RABGEF1: variants seen among roughly 807,000 people sequenced by gnomAD.
RABGEF1 encodes RAB guanine nucleotide exchange factor 1.
In RABGEF1, 26 loss-of-function variants were observed where a neutral mutation model predicts 57.3. The observed-to-expected ratio is 0.45, with a 90% CI of 0.33 to 0.63. The LOEUF (loss-of-function observed/expected upper bound fraction) is 0.63. Among genes scored for constraint, RABGEF1 ranks in the 20% least tolerant of loss-of-function variants. RABGEF1 has a pLI of 0.02. For missense variants in RABGEF1, 464 were observed against 607.6 expected (o/e 0.76, Z 2.48); for synonymous variants, 185 against 210.7 (o/e 0.88, Z 1.06).
At chr7:66,731,687 A>G (rs1797335213) in intron 2 of RABGEF1, among the ~76,000 whole-genome samples, 1 of 152,210 alleles carries the variant, frequency 6.6e-6, no homozygotes, top group African/African-American at 2.4e-5. Context: ...ACTGCACTCC[A>G]GCCTGGGTGA....
chr7:66,766,498 T>G (rs1805750666), intron 1 of RABGEF1, among the ~76,000 whole-genome samples: 1 of 152,162 alleles, frequency 6.6e-6, no homozygotes, highest in Non-Finnish European at 1.5e-5. Flanking sequence ...GCTTTCTACC[T>G]CAGCCTTATC....
rs577290236 is a variant in RABGEF1 at position 66,755,088 on chromosome 7, A to T, written c.-18+14296A>T. Among the ~76,000 whole-genome samples, 30 of 152,282 alleles carry T rather than the reference A, an allele frequency of 2.0e-4. No individual in the cohort carries two copies. The East Asian group carries it at 5.6e-3, about 28-fold the overall frequency. On this transcript the variant is annotated intron_variant, in intron 1 of 8. Transcript: ENST00000284957. ...GGCAGGCGGATCACGAGGTCAGGAT[A>T]TTGAGACCATCCTGGCTAACACAGT...
At chr7:66,725,698 G>C (rs1796510099) in intron 2 of RABGEF1, among the ~76,000 whole-genome samples, 1 of 152,174 alleles carries the variant, frequency 6.6e-6, no homozygotes, top group Admixed American at 6.5e-5. Flanking sequence ...CCACACTGTG[G>C]GTGGAACTCC....
At chr7:66,682,707 G>C (rs1273102738) in intron 1 of RABGEF1, among the ~76,000 whole-genome samples, 1 of 22 alleles carries the variant, frequency 0.045, no homozygotes, top group African/African-American at 0.12. Flanking sequence ...CCCCGGCCGC[G>C]GCAGGGCGCC....
intron 4 of RABGEF1, among the ~76,000 whole-genome samples, chr7:66,791,781 T>A (rs1342685939): frequency 6.6e-6 from 1 of 152,178 alleles, no homozygotes; most frequent in Admixed American, 6.5e-5. Flanking sequence ...AGAGTAAAAA[T>A]TTATTTTAGA....
chr7:66,669,150 C>G, the RABGEF1 span: 2 of 152,756 alleles, frequency 1.3e-5, no homozygotes, highest in East Asian at 1.9e-4. Context: ...CTGTGAAATG[C>G]GGTGGGTGCA....
intron 3 of RABGEF1, among the ~76,000 whole-genome samples, chr7:66,777,320 A>G (rs1292632298): frequency 6.6e-6 from 1 of 152,146 alleles, no homozygotes; most frequent in East Asian, 1.9e-4. Flanking sequence ...AAGGTTAACT[A>G]ATTTACCCAA....
chr7:66,674,678 A>T, the RABGEF1 span, among the ~76,000 whole-genome samples: 2 of 152,290 alleles, frequency 1.3e-5, no homozygotes, highest in East Asian at 3.9e-4. Context: ...AAACATGTTG[A>T]AGGAAAGAAG....
chr7:66,796,664 C>T, intron 5 of RABGEF1: 1 of 262,744 alleles, frequency 3.8e-6, no homozygotes, highest in Non-Finnish European at 7.6e-6. Context: ...GTGACCTCGG[C>T]TCACTGCAAC....
intron 3 of RABGEF1, among the ~76,000 whole-genome samples, chr7:66,775,790 CTG>C (rs1004812052): frequency 6.6e-6 from 1 of 152,086 alleles, no homozygotes; most frequent in African/African-American, 2.4e-5. Flanking sequence ...TGATAGTCAT[CTG>C]AGAGAGAGAT....
chr7:66,733,208 C>T (rs1179091365), intron 2 of RABGEF1, among the ~76,000 whole-genome samples: 1 of 152,172 alleles, frequency 6.6e-6, no homozygotes, highest in African/African-American at 2.4e-5. Context: ...ATAGCCTTCT[C>T]TCAAGATTTG....
At chr7:66,692,962 C>T (rs1031212388) in intron 1 of RABGEF1, among the ~76,000 whole-genome samples, 3 of 152,104 alleles carry the variant, frequency 2.0e-5, no homozygotes, top group African/African-American at 7.2e-5. Flanking sequence ...GCTCAAGGCC[C>T]CCCATGCCGG....
the RABGEF1 span, among the ~76,000 whole-genome samples, chr7:66,663,865 G>A: frequency 3.9e-5 from 6 of 152,230 alleles, no homozygotes; most frequent in South Asian, 4.1e-4. Flanking sequence ...CCTAAGGGCA[G>A]GACTTCAAAA....
At position 66,727,884 on chromosome 7, in the gene RABGEF1, C is replaced by T. The variant is rs559435648; in HGVS notation, c.-814-12112C>T. ...TTCCCAGCGGCTGCCTTGGAACACA[C>T]GCGTGGCTGCCTCTGGAGCCTTTTG... On this transcript the variant is annotated intron_variant and NMD_transcript_variant, in intron 2 of 9. Transcript: ENST00000607882. 2.0e-3 allele frequency among the ~76,000 whole-genome samples: 302 copies of T among 152,296 alleles called. 1 individual carries two copies. Among genetic ancestry groups the T allele is most frequent in the African/African-American group, 4.0e-3 (167 of 41,560 alleles).
At chr7:66,752,138 C>T (rs1361072354) in intron 1 of RABGEF1, among the ~76,000 whole-genome samples, 9 of 152,026 alleles carry the variant, frequency 5.9e-5, no homozygotes, top group South Asian at 2.1e-4. Context: ...TTTGAGGCTA[C>T]AGTGAGCCAT....
upstream of RABGEF1, among the ~76,000 whole-genome samples, chr7:66,681,757 A>T (rs1282167496): frequency 6.6e-6 from 1 of 152,122 alleles, no homozygotes; most frequent in African/African-American, 2.4e-5. Context: ...ACTGAAACAG[A>T]GTTTCTGAAG....
chr7:66,724,282 T>C (rs1279774805), intron 2 of RABGEF1, among the ~76,000 whole-genome samples: 1 of 152,152 alleles, frequency 6.6e-6, no homozygotes, highest in East Asian at 1.9e-4. Context: ...GCTTTTAAGA[T>C]TTTTCTCTTT....
chr7:66,725,066 C>T (rs1796446418), intron 2 of RABGEF1, among the ~76,000 whole-genome samples: 1 of 151,988 alleles, frequency 6.6e-6, no homozygotes, highest in Non-Finnish European at 1.5e-5. Flanking sequence ...TTTCTATAGC[C>T]GATTTAAAAT....
the RABGEF1 span, among the ~76,000 whole-genome samples, chr7:66,674,300 C>G: frequency 0.22 from 32,862 of 151,874 alleles, 4,645 homozygotes; most frequent in Non-Finnish European, 0.31. Context: ...AGCAGTTCCC[C>G]TGCCTCAGCC....
Sources: allele counts gnomAD v4.1 joint callset (sites outside exome capture counted in the v4.1 genomes callset), GRCh38; gene constraint gnomAD v4.1.1; transcripts MANE v1.5; gene names NCBI Gene and HGNC (gene_info 2026-07-23, HGNC 2026-07-21).